The following CACYBP variants were observed in gnomAD, a reference collection of about 807,000 sequenced individuals.
CACYBP encodes the protein calcyclin binding protein.
CACYBP carries 11 observed loss-of-function variants against 29.6 expected under a neutral mutation model. That is an observed-to-expected ratio of 0.37 (90% CI 0.23 to 0.61). The LOEUF (loss-of-function observed/expected upper bound fraction) is 0.61, where lower values mean the gene tolerates loss of function less well. Ranked by LOEUF, CACYBP falls within the 20% of genes least tolerant of loss-of-function variation. CACYBP has a pLI of 0.65. For synonymous variants in CACYBP, 73 were observed against 88.3 expected (o/e 0.83, Z 0.97); for missense variants, 163 against 260.7 (o/e 0.63, Z 2.58).
Position 175,004,981 on chromosome 1 carries a change from T to A in CACYBP, c.235+148T>A, listed in dbSNP as rs766144808. On this transcript the variant is annotated intron_variant, in intron 2 of 5. Transcript: ENST00000367679. ...CAGTTTTTATTTAATAAAACTTTTT[T>A]AAGATATAAATAGGAAAGGATGCGT... 5.5e-5 allele frequency: 38 copies of A among 696,842 alleles called. 1 individual carries two copies. The highest frequency in any genetic ancestry group is 1.6e-4 in the African/African-American group (9 of 55,910). The allele number at this position is 696,842 out of a possible 1,614,324, so 43.2% of individuals were successfully genotyped here. A position where few individuals can be genotyped will look rare whatever the true frequency, so the allele number is the denominator to read the frequency against.
rs1226604377 is a variant in CACYBP at position 175,004,759 on chromosome 1, T to C, written c.161T>C (p.Leu54Pro). The change falls in exon 2 of 6, where the codon CTT (leucine) becomes CCT (proline). Residue 54 changes from leucine (L) to proline (P), a missense_variant. By Grantham distance (98) the Leu-to-Pro change is moderately conservative. Transcript: ENST00000367679. ...MQQKSQKKAELLDNEKPAAVV... is the reference protein window; with the variant it reads ...MQQKSQKKAEPLDNEKPAAVV... ...CAGAAATCACAGAAGAAAGCAGAACTTCTTGATAATGAAAAACCAGCTGCT... is the reference window on the plus strand; with the variant it reads ...CAGAAATCACAGAAGAAAGCAGAACCTCTTGATAATGAAAAACCAGCTGCT... The C allele has an allele frequency of 1.2e-6, 2 of 1,613,860 alleles. No homozygotes were observed. Among genetic ancestry groups the C allele is most frequent in the Admixed American group, 1.7e-5 (1 of 60,000 alleles).
At chr1:175,000,458 G>C in intron 1 of CACYBP, 1 of 1,373,666 alleles carries the variant, frequency 7.3e-7, no homozygotes, top group Non-Finnish European at 9.4e-7. Context: ...GCGGTGCGGG[G>C]AGTGGGTCTG....
intron 1 of CACYBP, among the ~76,000 whole-genome samples, chr1:175,004,046 A>ATT (rs570731617): frequency 5.4e-5 from 8 of 149,360 alleles, no homozygotes; most frequent in African/African-American, 2.0e-4. Context: ...AAAAGCAGAA[A>ATT]TTTTTTTTTT....
chr1:175,000,118 C>T lies in CACYBP; in HGVS notation c.-63C>T. ...CTGCGCTCGGTTTGAGGGCTCGGCG[C>T]GGGGTTTCCTGTTCCTCCTTCTGCG... On this transcript the variant is annotated 5_prime_UTR_variant, in exon 1 of 6. Coordinates refer to ENST00000367679, the MANE Select transcript of CACYBP (RefSeq NM_014412.3). The T allele has an allele frequency of 6.4e-7, 1 of 1,567,266 alleles. No homozygotes were observed. The highest frequency in any genetic ancestry group is 8.7e-7 in the Non-Finnish European group (1 of 1,155,280).
chr1:175,009,823 C>G, intron 5 of CACYBP, 100 bp from the exon 6 acceptor site: 1 of 856,882 alleles, frequency 1.2e-6, no homozygotes, highest in Non-Finnish European at 1.8e-6. Context: ...ACTCTGTCTT[C>G]CTTCTTATCC....
At chr1:175,002,999 TTG>T (rs1672528793) in intron 1 of CACYBP, among the ~76,000 whole-genome samples, 1 of 152,036 alleles carries the variant, frequency 6.6e-6, no homozygotes, top group Non-Finnish European at 1.5e-5. Flanking sequence ...AAATATTACT[TTG>T]AACTGAAACA....
intron 1 of CACYBP, among the ~76,000 whole-genome samples, chr1:175,004,349 A>G (rs1672562654): frequency 6.6e-6 from 1 of 152,246 alleles, no homozygotes; most frequent in African/African-American, 2.4e-5. Context: ...ATATTTTAAA[A>G]CATAAACTGG....
rs1430284034 is a variant in CACYBP, at chr1:175,010,880, G to GAAGT, written c.*802_*805dup. ...AGTAGGAATTACTCCTATTCCCCCT[G>GAAGT]AAGTCAGGACCAGTGCCTGTGATCT... On this transcript the variant is annotated 3_prime_UTR_variant, in exon 6 of 6. Coordinates refer to ENST00000367679, the MANE Select transcript of CACYBP (RefSeq NM_014412.3). 6.6e-6 allele frequency: 1 copy of GAAGT among 152,132 alleles called. No individual in the cohort carries two copies. The highest frequency in any genetic ancestry group is 1.5e-5 in the Non-Finnish European group (1 of 68,038). 9.4% of individuals were successfully genotyped at this position (152,132 alleles called of 1,614,324 possible).
At chr1:175,002,713 C>G (rs1461259693) in intron 1 of CACYBP, among the ~76,000 whole-genome samples, 1 of 152,134 alleles carries the variant, frequency 6.6e-6, no homozygotes, top group Non-Finnish European at 1.5e-5. Flanking sequence ...AACTGAGGAA[C>G]TGTCTCAGTT....
intron 5 of CACYBP, 64 bp from the exon 6 acceptor site, chr1:175,009,859 C>T (rs1441475177): frequency 2.2e-6 from 3 of 1,335,438 alleles, no homozygotes; most frequent in Non-Finnish European, 2.1e-6. Context: ...GTGTTAACAA[C>T]CTGAATGATA....
In CACYBP at chr1:175,000,176, C is replaced by G; in HGVS notation, c.-5C>G. 1 of 1,607,946 alleles carries G rather than the reference C, an allele frequency of 6.2e-7. No individual in the cohort carries two copies. The highest frequency in any genetic ancestry group is 8.5e-7 in the Non-Finnish European group (1 of 1,177,226). Reference sequence around the variant, plus strand: ...AGCTCGGGACTTCGGCCTGACCCAGCCCCCATGGCTTCAGAAGAGGTAAGT... The same window carrying G: ...AGCTCGGGACTTCGGCCTGACCCAGGCCCCATGGCTTCAGAAGAGGTAAGT... On this transcript the variant is annotated 5_prime_UTR_variant, in exon 1 of 6. Coordinates refer to ENST00000367679, the MANE Select transcript of CACYBP (RefSeq NM_014412.3).
In CACYBP at chr1:175,010,100, A is replaced by T. The variant is rs200341940; in HGVS notation, c.*21A>T. 3.0e-5 allele frequency: 48 copies of T among 1,607,696 alleles called. No individual in the cohort carries two copies. Among genetic ancestry groups the T allele is most frequent in the Non-Finnish European group, 4.1e-5 (48 of 1,176,204 alleles). On this transcript the variant is annotated 3_prime_UTR_variant, in exon 6 of 6. Transcript: ENST00000367679. ...TTTGAGACTTTAAAGTCGTTTTGGG[A>T]ACTGTGATGTGATGTGGAAATACTG...
At chr1:175,000,333 G>A (rs1558323060) in intron 1 of CACYBP, 138 bp downstream of exon 1, 5 of 1,463,256 alleles carry the variant, frequency 3.4e-6, no homozygotes, top group Non-Finnish European at 4.5e-6. Context: ...CGCCTTCCCG[G>A]GGGACACCTC....
At chr1:175,002,853 C>T (rs549598519) in intron 1 of CACYBP, among the ~76,000 whole-genome samples, 4 of 152,254 alleles carry the variant, frequency 2.6e-5, no homozygotes, top group Middle Eastern at 3.4e-3. Flanking sequence ...TCTCATTCTG[C>T]TAGATAAAGT....
intron 4 of CACYBP, 47 bp downstream of exon 4, chr1:175,007,244 T>C (rs1290208833): frequency 3.6e-6 from 4 of 1,109,960 alleles, no homozygotes; most frequent in Non-Finnish European, 5.5e-6. Context: ...CTTACCAAAT[T>C]GAACCTGGCT....
chr1:175,000,058 C>A lies in CACYBP; in HGVS notation c.-123C>A. 1.5e-6 allele frequency: 2 copies of A among 1,367,036 alleles called. No homozygotes were observed. Among genetic ancestry groups the A allele is most frequent in the Middle Eastern group, 2.2e-4 (1 of 4,552 alleles). The allele number at this position is 1,367,036 out of a possible 1,614,324, so 84.7% of individuals were successfully genotyped here. A position where few individuals can be genotyped will look rare whatever the true frequency, so the allele number is the denominator to read the frequency against. ...ATCTTGCGCAGGGTCGGTGTGGGCG[C>A]AGGCTGCAGCGCCGCGACTCGTGCG... On this transcript the variant is annotated 5_prime_UTR_variant, in exon 1 of 6. Coordinates refer to ENST00000367679, the MANE Select transcript of CACYBP (RefSeq NM_014412.3).
intron 5 of CACYBP, 144 bp from the exon 6 acceptor site, chr1:175,009,777 TTG>T: frequency 1.7e-6 from 1 of 576,594 alleles, no homozygotes; most frequent in Non-Finnish European, 3.0e-6. Context: ...TAAGATGAAT[TTG>T]TGCGTGCCGT....
At chr1:175,009,801 A>G (rs1672705150) in intron 5 of CACYBP, 122 bp from the exon 6 acceptor site, 2 of 675,772 alleles carry the variant, frequency 3.0e-6, no homozygotes, top group Non-Finnish European at 4.9e-6. Flanking sequence ...TTGATTGTAA[A>G]TATCTTTGGG....
chr1:175,010,674 A>ATCTT lies in CACYBP; in HGVS notation c.*597_*600dup, dbSNP rs1672727773. 1 of 152,250 alleles carries ATCTT rather than the reference A, an allele frequency of 6.6e-6. No individual in the cohort carries two copies. The highest frequency in any genetic ancestry group is 1.5e-5 in the Non-Finnish European group (1 of 68,058). The allele number at this position is 152,250 out of a possible 1,614,324, so 9.4% of individuals were successfully genotyped here. ...ATCTAAACATGACAATAATAGACAT[A>ATCTT]TCTTTGTATGGTACCAGTTAGTTTT... is the stretch of plus-strand genomic sequence containing the variant. On this transcript the variant is annotated 3_prime_UTR_variant, in exon 6 of 6. Coordinates refer to ENST00000367679, the MANE Select transcript of CACYBP (RefSeq NM_014412.3).
Sources: allele counts gnomAD v4.1 joint callset (sites outside exome capture counted in the v4.1 genomes callset), GRCh38; gene constraint gnomAD v4.1.1; transcripts MANE v1.5; gene names NCBI Gene and HGNC (gene_info 2026-07-23, HGNC 2026-07-21).